CRYBA4: variants seen among roughly 807,000 people sequenced by gnomAD.
CRYBA4 encodes the protein crystallin beta A4.
CRYBA4 carries 30 observed loss-of-function variants against 31.7 expected under a neutral mutation model. The ratio of observed to expected loss-of-function variants is 0.95; its 90% CI spans 0.71 to 1.28. The LOEUF (loss-of-function observed/expected upper bound fraction) is 1.28, where lower values mean the gene tolerates loss of function less well. Among genes scored for constraint, CRYBA4 ranks in the 50% most tolerant of loss-of-function variants. The pLI, the probability that CRYBA4 is intolerant of heterozygous loss-of-function variation, is 0.00. For missense variants in CRYBA4, 225 were observed against 260.7 expected (o/e 0.86, Z 0.94); for synonymous variants, 102 against 102.3 (o/e 1.00, Z 0.02).
intron 3 of CRYBA4, among the ~76,000 whole-genome samples, chr22:26,625,153 T>C (rs898723051): frequency 3.3e-5 from 5 of 152,182 alleles, no homozygotes; most frequent in Non-Finnish European, 7.3e-5. Flanking sequence ...TCCCTACCTA[T>C]GGGACACACA....
intron 4 of CRYBA4, among the ~76,000 whole-genome samples, chr22:26,627,450 CTTTCTTTTTCTTTCTTTCTTTCTT>C (rs1414959607): frequency 0.025 from 2,830 of 115,080 alleles, 263 homozygotes; most frequent in African/African-American, 0.048. Flanking sequence ...TTCTTTCCTT[CTTTCTTTTTCTTTCTTTCTTTCTT>C]TCTCTTTCTT....
intron 3 of CRYBA4, among the ~76,000 whole-genome samples, chr22:26,624,436 G>GCCAGTAGCTA (rs1437257847): frequency 6.6e-6 from 1 of 152,254 alleles, no homozygotes; most frequent in Non-Finnish European, 1.5e-5. Flanking sequence ...AGGAGATGTG[G>GCCAGTAGCTA]CCAGTAGCTA....
the CRYBA4 span, among the ~76,000 whole-genome samples, chr22:26,610,390 C>T: frequency 1.3e-5 from 2 of 152,170 alleles, no homozygotes; most frequent in African/African-American, 2.4e-5. Context: ...CCCAGGCCCC[C>T]GGACCACAGG....
the CRYBA4 span, among the ~76,000 whole-genome samples, chr22:26,597,048 G>A: frequency 2.6e-5 from 4 of 152,214 alleles, no homozygotes; most frequent in Non-Finnish European, 4.4e-5. Flanking sequence ...GGCCAAGAGT[G>A]TTGAGGTGGG....
chr22:26,604,498 G>T, the CRYBA4 span, among the ~76,000 whole-genome samples: 1 of 152,236 alleles, frequency 6.6e-6, no homozygotes, highest in Non-Finnish European at 1.5e-5. Context: ...GAAAGAACTG[G>T]TTAATTCTTC....
the CRYBA4 span, chr22:26,608,110 A>G: frequency 1.1e-5 from 17 of 1,604,444 alleles, no homozygotes; most frequent in African/African-American, 8.0e-5. Flanking sequence ...CTCCCCTGGC[A>G]AGGCAGCCCT....
At chr22:26,595,350 G>T in the CRYBA4 span, among the ~76,000 whole-genome samples, 1 of 152,124 alleles carries the variant, frequency 6.6e-6, no homozygotes, top group South Asian at 2.1e-4. Context: ...GCCGAGGCAG[G>T]AGGATCAAGT....
the CRYBA4 span, among the ~76,000 whole-genome samples, chr22:26,604,696 G>A: frequency 3.3e-5 from 5 of 152,196 alleles, no homozygotes; most frequent in African/African-American, 1.2e-4. Context: ...GTGTGGCCAG[G>A]GTGCAGGAAG....
At position 26,627,426 on chromosome 22, in the gene CRYBA4, T is replaced by TTCTTTCCTTC. The variant is rs1431636604; in HGVS notation, c.301-861_301-860insCTTTCCTTCT. Reference sequence around the variant, plus strand: ...TTTCTTTCTTTCTTTCTTTCTTTCTTTTTCTTTCTTTCTTTCTTTCCTTCT... The same window carrying TTCTTTCCTTC: ...TTTCTTTCTTTCTTTCTTTCTTTCTTTCTTTCCTTCTTTCTTTCTTTCTTTCTTTCCTTCT... On this transcript the variant is annotated intron_variant, in intron 4 of 5. Coordinates refer to ENST00000354760, the MANE Select transcript of CRYBA4 (RefSeq NM_001886.3). 1.1e-3 allele frequency among the ~76,000 whole-genome samples: 81 copies of TTCTTTCCTTC among 75,346 alleles called. 7 individuals are homozygous for TTCTTTCCTTC. Among genetic ancestry groups the TTCTTTCCTTC allele is most frequent in the African/African-American group, 7.7e-3 (76 of 9,828 alleles). The allele number at this position is 75,346 out of a possible 152,430, so 49.4% of individuals were successfully genotyped here.
At chr22:26,601,636 T>C in the CRYBA4 span, among the ~76,000 whole-genome samples, 1 of 111,146 alleles carries the variant, frequency 9.0e-6, no homozygotes, top group Admixed American at 9.1e-5. Flanking sequence ...AGCTCCTATT[T>C]TCTCCATCTA....
At position 26,625,565 on chromosome 22, in the gene CRYBA4, C is replaced by T. The variant is rs745630849; in HGVS notation, c.243C>T (p.Gly81=). 37 of 1,613,788 alleles carry T rather than the reference C, an allele frequency of 2.3e-5. No individual in the cohort carries two copies. In the Middle Eastern group the frequency reaches 4.9e-4, roughly 22 times the overall value. ...AATATCCAAGCTGGGATGCCTGGGG[C>T]GGCAACACGGCCTACCCCGCCGAGA... ...RGEYPSWDAW[G]GNTAYPAERL... is the part of the protein sequence containing the mutation. The change falls in exon 4 of 6, where the codon GGC becomes GGT. Residue 81 remains glycine, a synonymous_variant. Coordinates refer to ENST00000354760, the MANE Select transcript of CRYBA4 (RefSeq NM_001886.3).
the CRYBA4 span, among the ~76,000 whole-genome samples, chr22:26,600,983 GA>G: frequency 6.6e-6 from 1 of 152,214 alleles, no homozygotes; most frequent in Non-Finnish European, 1.5e-5. Context: ...TTGAAGGTAG[GA>G]ACTTGGCTGT....
chr22:26,606,655 C>T, the CRYBA4 span, among the ~76,000 whole-genome samples: 3 of 152,176 alleles, frequency 2.0e-5, no homozygotes, highest in African/African-American at 7.2e-5. Flanking sequence ...TTACATTCTG[C>T]GAAAAGTGTT....
the CRYBA4 span, among the ~76,000 whole-genome samples, chr22:26,598,832 G>A: frequency 6.6e-6 from 1 of 152,180 alleles, no homozygotes; most frequent in African/African-American, 2.4e-5. Flanking sequence ...CATGCAGACA[G>A]TGCAAAAAAT....
At chr22:26,601,732 G>T in the CRYBA4 span, 2 of 1,355,740 alleles carry the variant, frequency 1.5e-6, no homozygotes, top group Non-Finnish European at 2.0e-6. Context: ...AGCTCTGTTG[G>T]CTGATCCCAG....
At chr22:26,623,142 C>A in intron 2 of CRYBA4, 92 bp from the exon 3 acceptor site, 2 of 1,074,632 alleles carry the variant, frequency 1.9e-6, no homozygotes, top group Non-Finnish European at 2.9e-6. Flanking sequence ...GCAATCCCTG[C>A]TTTACCTGCC....
the CRYBA4 span, chr22:26,601,959 C>T: frequency 6.8e-6 from 11 of 1,613,522 alleles, no homozygotes; most frequent in Admixed American, 1.7e-5. Flanking sequence ...CCCCCTGGAT[C>T]TCTATGGTGT....
the CRYBA4 span, chr22:26,602,137 G>A: frequency 2.3e-6 from 3 of 1,309,452 alleles, no homozygotes; most frequent in Non-Finnish European, 3.2e-6. Flanking sequence ...GGCTGCTGGG[G>A]GACTCTCCAG....
the CRYBA4 span, chr22:26,599,456 G>T: frequency 1.9e-6 from 3 of 1,579,592 alleles, no homozygotes; most frequent in East Asian, 2.3e-5. Context: ...ACATGAAGAA[G>T]GGTTGGGGCA....
Sources: gnomAD v4.1 joint callset for allele counts (sites outside exome capture counted in the v4.1 genomes callset) on GRCh38, gnomAD v4.1.1 for gene constraint, MANE v1.5 for transcripts, NCBI Gene and HGNC (gene_info 2026-07-23, HGNC 2026-07-21) for gene names.